Variants in PRUNE2 observed in about 807,000 individuals in gnomAD.
PRUNE2 encodes prune homolog 2 with BCH domain.
Under a neutral mutation model 252.0 loss-of-function variants are expected in PRUNE2, and 164 were observed. That is an observed-to-expected ratio of 0.65 (90% CI 0.57 to 0.74). The LOEUF is 0.74. Ranked by LOEUF, PRUNE2 falls within the 30% of genes least tolerant of loss-of-function variation. The pLI is 0.00. For missense variants in PRUNE2, 3,495 were observed against 3,711.0 expected (o/e 0.94, Z 1.51); for synonymous variants, 1,292 against 1,350.2 (o/e 0.96, Z 0.94).
At chr9:76,670,338 T>C (rs886506505) in intron 9 of PRUNE2, among the ~76,000 whole-genome samples, 2 of 151,620 alleles carry the variant, frequency 1.3e-5, no homozygotes, top group African/African-American at 4.8e-5. Flanking sequence ...ACTGCGCTTT[T>C]CCAAAGGGCT....
chr9:76,757,260 T>C (rs1397000402), intron 6 of PRUNE2, among the ~76,000 whole-genome samples: 1 of 152,214 alleles, frequency 6.6e-6, no homozygotes, highest in Admixed American at 6.5e-5. Flanking sequence ...AGATCTGACC[T>C]ACTCCCACCT....
intron 6 of PRUNE2, among the ~76,000 whole-genome samples, chr9:76,811,876 G>A (rs1325308967): frequency 6.6e-6 from 1 of 152,260 alleles, no homozygotes; most frequent in Non-Finnish European, 1.5e-5. Context: ...CCTGCATTAC[G>A]AAGTTACTAG....
chr9:76,826,547 A>T (rs1191836763), intron 5 of PRUNE2, 33 bp downstream of exon 5: 1 of 1,496,818 alleles, frequency 6.7e-7, no homozygotes, highest in African/African-American at 1.4e-5. Context: ...CCTACTCGGG[A>T]GGGACAAGAG....
At chr9:76,856,785 G>A (rs939448731) in intron 1 of PRUNE2, among the ~76,000 whole-genome samples, 7 of 150,684 alleles carry the variant, frequency 4.6e-5, no homozygotes, top group East Asian at 2.0e-4. Context: ...ATGGAGTCTC[G>A]CTCTGTCACC....
At chr9:76,682,530 T>G (rs1233237477) in intron 9 of PRUNE2, among the ~76,000 whole-genome samples, 1 of 151,926 alleles carries the variant, frequency 6.6e-6, no homozygotes, top group East Asian at 1.9e-4. Context: ...CCCGACTAAT[T>G]TTTTGTATTT....
At chr9:76,723,164 C>G (rs1397866274) in intron 6 of PRUNE2, among the ~76,000 whole-genome samples, 2 of 152,022 alleles carry the variant, frequency 1.3e-5, no homozygotes, top group Non-Finnish European at 2.9e-5. Flanking sequence ...TTGAAAAAAC[C>G]CAAAACTTCT....
chr9:76,884,359 C>T (rs997211753), intron 1 of PRUNE2, among the ~76,000 whole-genome samples: 2 of 152,152 alleles, frequency 1.3e-5, no homozygotes, highest in Non-Finnish European at 2.9e-5. Flanking sequence ...CCACAGTGTA[C>T]TGAGCGTCAT....
At position 76,644,587 on chromosome 9, in the gene PRUNE2, G is replaced by A. The variant is rs145847493; in HGVS notation, c.8728+152C>T. The A allele has an allele frequency of 8.8e-3, 6,681 of 758,564 alleles. 48 individuals are homozygous for A. Among genetic ancestry groups the A allele is most frequent in the Middle Eastern group, 0.012 (52 of 4,410 alleles). The allele number at this position is 758,564 out of a possible 1,614,324, so 47.0% of individuals were successfully genotyped here. On this transcript the variant is annotated intron_variant, in intron 12 of 18. Transcript: ENST00000376718. ...AAATGTTTATTGAATTGAATATGAG[G>A]AAATATACTTAGCTCTATAGTTCCC...
At chr9:76,842,459 A>C (rs1181342420) in intron 4 of PRUNE2, among the ~76,000 whole-genome samples, 1 of 151,756 alleles carries the variant, frequency 6.6e-6, no homozygotes, top group Non-Finnish European at 1.5e-5. Flanking sequence ...AACCAAAAGC[A>C]ATGGCAACAA....
intron 1 of PRUNE2, among the ~76,000 whole-genome samples, chr9:76,863,471 T>C (rs2060664645): frequency 6.6e-6 from 1 of 152,238 alleles, no homozygotes; most frequent in Non-Finnish European, 1.5e-5. Context: ...CCTATTCTCA[T>C]TGATGATTAA....
chr9:76,781,399 C>T (rs2054377879), intron 6 of PRUNE2, among the ~76,000 whole-genome samples: 1 of 152,194 alleles, frequency 6.6e-6, no homozygotes, highest in Non-Finnish European at 1.5e-5. Flanking sequence ...AATTTTCTTT[C>T]AGTTTCCTGA....
intron 1 of PRUNE2, among the ~76,000 whole-genome samples, chr9:76,893,500 C>T (rs1213445800): frequency 6.6e-6 from 1 of 152,162 alleles, no homozygotes; most frequent in Non-Finnish European, 1.5e-5. Context: ...GAATATAAAT[C>T]CTGCTGAAAG....
chr9:76,711,678 G>A (rs139103727), intron 7 of PRUNE2, among the ~76,000 whole-genome samples: 21 of 152,182 alleles, frequency 1.4e-4, no homozygotes, highest in African/African-American at 2.9e-4. Flanking sequence ...AATGTAATTC[G>A]AGTTGCAAAA....
intron 6 of PRUNE2, among the ~76,000 whole-genome samples, chr9:76,818,136 A>G (rs547520873): frequency 6.6e-6 from 1 of 152,294 alleles, no homozygotes; most frequent in Non-Finnish European, 1.5e-5. Flanking sequence ...TTCAAAACTA[A>G]CATATGCTCC....
At chr9:76,669,181 C>T (rs2040816548) in intron 9 of PRUNE2, among the ~76,000 whole-genome samples, 1 of 152,030 alleles carries the variant, frequency 6.6e-6, no homozygotes, top group African/African-American at 2.4e-5. Context: ...CTCAAATCTA[C>T]TACTGTCCAT....
At chr9:76,852,080 G>C (rs1305134662) in intron 2 of PRUNE2, among the ~76,000 whole-genome samples, 1 of 152,100 alleles carries the variant, frequency 6.6e-6, no homozygotes, top group Non-Finnish European at 1.5e-5. Flanking sequence ...TGATGGTTTT[G>C]TTCAGTTATG....
In PRUNE2 at chr9:76,707,557, G is replaced by T; in HGVS notation, c.4717C>A (p.Gln1573Lys). 1 of 1,613,894 alleles carries T rather than the reference G, an allele frequency of 6.2e-7. No individual in the cohort carries two copies. Among genetic ancestry groups the T allele is most frequent in the Non-Finnish European group, 8.5e-7 (1 of 1,179,872 alleles). The change falls in exon 8 of 19, where the codon CAA (glutamine) becomes AAA (lysine). Residue 1573 changes from glutamine to lysine, a missense_variant. Physicochemically the swap from Gln to Lys is moderately conservative, Grantham distance 53. Coordinates refer to ENST00000376718, the MANE Select transcript of PRUNE2 (RefSeq NM_015225.3). ...QPSSGYQEEN[Q>K]GNWSEQNHQE... Reference sequence around the variant, plus strand: ...TGATTCTGTTCACTCCAGTTGCCTTGGTTTTCTTCTTGATACCCAGAACTG... The same window carrying T: ...TGATTCTGTTCACTCCAGTTGCCTTTGTTTTCTTCTTGATACCCAGAACTG...
rs141273798 is a variant in PRUNE2, at chr9:76,635,361, T to C, written c.9050+1110A>G. 8.4e-3 allele frequency among the ~76,000 whole-genome samples: 1,279 copies of C among 152,288 alleles called. 19 individuals are homozygous for C. Among genetic ancestry groups the C allele is most frequent in the African/African-American group, 0.027 (1,113 of 41,562 alleles). ...AACTAGGGTGAATCCTGCTACTCAA[T>C]TGAAGATAAATTGAAATTTTCCCAT... On this transcript the variant is annotated intron_variant, in intron 15 of 18. Transcript: ENST00000376718.
chr9:76,716,989 C>T (rs1186429882), intron 6 of PRUNE2, among the ~76,000 whole-genome samples: 1 of 152,148 alleles, frequency 6.6e-6, no homozygotes, highest in Admixed American at 6.5e-5. Context: ...AGGACATGAC[C>T]TCATCCTTTT....
Sources: allele counts gnomAD v4.1 joint callset (sites outside exome capture counted in the v4.1 genomes callset), GRCh38; gene constraint gnomAD v4.1.1; transcripts MANE v1.5; gene names NCBI Gene and HGNC (gene_info 2026-07-23, HGNC 2026-07-21).